WWC1: variants seen among roughly 807,000 people sequenced by gnomAD.
The protein encoded by WWC1 is protein KIBRA.
WWC1 carries 55 observed loss-of-function variants against 138.4 expected under a neutral mutation model. The ratio of observed to expected loss-of-function variants is 0.40; its 90% CI spans 0.32 to 0.50. The LOEUF (loss-of-function observed/expected upper bound fraction) is 0.50. WWC1 is among the 20% of genes least tolerant of loss of function. The probability of loss-of-function intolerance (pLI) is 0.72; values close to 1 mark genes in which losing one functional copy is unlikely to be tolerated. For missense variants in WWC1, 1,226 were observed against 1,420.4 expected (o/e 0.86, Z 2.20); for synonymous variants, 524 against 564.9 (o/e 0.93, Z 1.03).
chr5:168,337,867 G>A (rs1035103286), intron 1 of WWC1, among the ~76,000 whole-genome samples: 1 of 152,156 alleles, frequency 6.6e-6, no homozygotes, highest in East Asian at 1.9e-4. Flanking sequence ...TAGCCATGCA[G>A]GAAGAGGATG....
Position 168,353,182 on chromosome 5 carries a change from G to T in WWC1, c.120-18242G>T, listed in dbSNP as rs567326044. ...ATTTTGGGTCCTTCCAGGGGGCCTG[G>T]GAAGGTCCCCACACTCCCCTCAGCA... is the stretch of plus-strand genomic sequence containing the variant. On this transcript the variant is annotated intron_variant, in intron 1 of 22. Transcript: ENST00000265293. Among the ~76,000 whole-genome samples, 15 of 152,024 alleles carry T rather than the reference G, an allele frequency of 9.9e-5. No individual in the cohort carries two copies. In the East Asian group the frequency reaches 2.9e-3, roughly 30 times the overall value.
In WWC1 at chr5:168,408,662, A is replaced by T; in HGVS notation, c.867+9A>T. The T allele has an allele frequency of 6.2e-7, 1 of 1,613,828 alleles. No homozygotes were observed. Among genetic ancestry groups the T allele is most frequent in the Non-Finnish European group, 8.5e-7 (1 of 1,179,826 alleles). ...CAGACATCTCGGGAAGCGTGAGTAG[A>T]CGGGGCAGGTTGCTGGGGGCCTTCC... On this transcript the variant is annotated intron_variant, in intron 7 of 22. Transcript: ENST00000265293.
intron 10 of WWC1, among the ~76,000 whole-genome samples, chr5:168,423,141 T>TCC (rs529490636): frequency 7.4e-4 from 51 of 68,596 alleles, no homozygotes; most frequent in East Asian, 1.8e-3. Flanking sequence ...CAAGACTCCA[T>TCC]CCCCCCCCAA....
At chr5:168,391,973 C>G (rs770699029) in intron 3 of WWC1, among the ~76,000 whole-genome samples, 12 of 151,876 alleles carry the variant, frequency 7.9e-5, no homozygotes, top group Non-Finnish European at 1.6e-4. Context: ...GTGGCAGCAG[C>G]TATTTCTGCA....
At chr5:168,415,960 T>C in intron 9 of WWC1, 1 of 152,098 alleles carries the variant, frequency 6.6e-6, no homozygotes, top group Non-Finnish European at 1.5e-5. Flanking sequence ...GCCTACTGCC[T>C]CAGTGGAAGC....
chr5:168,377,057 A>G (rs1777232792), intron 2 of WWC1, among the ~76,000 whole-genome samples: 1 of 152,244 alleles, frequency 6.6e-6, no homozygotes, highest in Non-Finnish European at 1.5e-5. Context: ...TATCCAAAAC[A>G]GCATGATACT....
intron 1 of WWC1, among the ~76,000 whole-genome samples, chr5:168,362,267 AT>A (rs1475262678): frequency 7.9e-5 from 12 of 152,238 alleles, no homozygotes; most frequent in African/African-American, 2.2e-4. Flanking sequence ...ATATAAATAC[AT>A]TAACTGCTTG....
At chr5:168,302,074 G>A (rs951742138) in intron 1 of WWC1, among the ~76,000 whole-genome samples, 1 of 152,180 alleles carries the variant, frequency 6.6e-6, no homozygotes, top group Non-Finnish European at 1.5e-5. Context: ...TGTGAATCAG[G>A]GTAATGAATT....
At chr5:168,343,395 C>T (rs1774207170) in intron 1 of WWC1, among the ~76,000 whole-genome samples, 1 of 152,152 alleles carries the variant, frequency 6.6e-6, no homozygotes. Flanking sequence ...AAAACTGACA[C>T]TCAAAGAAGG....
intron 3 of WWC1, among the ~76,000 whole-genome samples, chr5:168,386,718 G>A (rs993972575): frequency 2.0e-5 from 3 of 151,986 alleles, no homozygotes; most frequent in Non-Finnish European, 4.4e-5. Flanking sequence ...CTGGAGTGCA[G>A]TGGCACAATC....
At chr5:168,424,712 A>C (rs914200216) in intron 11 of WWC1, among the ~76,000 whole-genome samples, 10 of 152,230 alleles carry the variant, frequency 6.6e-5, no homozygotes, top group African/African-American at 2.4e-4. Context: ...GGGGGTTACC[A>C]GTGAGGCTGG....
intron 5 of WWC1, among the ~76,000 whole-genome samples, chr5:168,405,376 C>T (rs1201871759): frequency 6.6e-6 from 1 of 152,156 alleles, no homozygotes; most frequent in Non-Finnish European, 1.5e-5. Flanking sequence ...AGGTATACTG[C>T]TAAATATCAT....
intron 1 of WWC1, among the ~76,000 whole-genome samples, chr5:168,319,419 A>AAT (rs567652034): frequency 1.2e-3 from 184 of 152,312 alleles, no homozygotes; most frequent in African/African-American, 4.3e-3. Context: ...TCATCTCAAA[A>AAT]ATAAATAAAT....
chr5:168,464,766 T>G lies in WWC1; in HGVS notation c.2954T>G (p.Ile985Ser), dbSNP rs777240715. Residue 985 changes from isoleucine (I) to serine (S), a missense_variant, in exon 21 of 23, where the codon ATC (isoleucine) becomes AGC (serine). Ile to Ser is a moderately radical substitution (Grantham distance 142). This residue lies in a region of WWC1 where 206 missense variants were observed against 247.4 expected (regional missense o/e 0.83). Transcript: ENST00000265293. ...AAGTCGCTGCGCTCCGAGCGTCTGA[T>G]CCGTACCTCGCTGGACCTGGAGTTA... ...SVKSLRSERL[I>S]RTSLDLELDL... The G allele has an allele frequency of 6.2e-6, 10 of 1,613,982 alleles. No individual in the cohort carries two copies. Among genetic ancestry groups the G allele is most frequent in the Non-Finnish European group, 8.5e-6 (10 of 1,180,010 alleles).
chr5:168,461,451 G>A (rs1406122480), intron 20 of WWC1, among the ~76,000 whole-genome samples: 1 of 152,246 alleles, frequency 6.6e-6, no homozygotes, highest in Non-Finnish European at 1.5e-5. Context: ...TCTGGTGACA[G>A]AGAAGCTGGG....
intron 20 of WWC1, 35 bp downstream of exon 20, chr5:168,460,777 G>T (rs1756734874): frequency 6.2e-7 from 1 of 1,607,324 alleles, no homozygotes; most frequent in Non-Finnish European, 8.5e-7. Context: ...TTTTCTGCCT[G>T]CTCCTCCCTC....
intron 7 of WWC1, among the ~76,000 whole-genome samples, chr5:168,409,207 C>T (rs1361232293): frequency 6.6e-6 from 1 of 152,168 alleles, no homozygotes; most frequent in Non-Finnish European, 1.5e-5. Flanking sequence ...TTTTGGAGAG[C>T]TTTTGTTTTA....
intron 1 of WWC1, among the ~76,000 whole-genome samples, chr5:168,362,861 A>C (rs1775981883): frequency 6.6e-6 from 1 of 152,194 alleles, no homozygotes; most frequent in Non-Finnish European, 1.5e-5. Context: ...GAGGTGAGCC[A>C]CTGGTTTGTG....
chr5:168,460,947 T>C (rs772059971), intron 20 of WWC1, among the ~76,000 whole-genome samples: 13 of 152,118 alleles, frequency 8.5e-5, no homozygotes, highest in Non-Finnish European at 1.8e-4. Context: ...GAAGGGTAAA[T>C]GTATTTGTCT....
Sources: allele counts gnomAD v4.1 joint callset (sites outside exome capture counted in the v4.1 genomes callset), GRCh38; gene constraint gnomAD v4.1.1; regional missense constraint gnomAD v4.1.1; transcripts MANE v1.5; gene names NCBI Gene and HGNC (gene_info 2026-07-23, HGNC 2026-07-21).